NHERF2: variants seen among roughly 807,000 people sequenced by gnomAD.
NHERF2 encodes Na(+)/H(+) exchange regulatory cofactor NHE-RF2.
chr16:2,037,452 G>GT, the NHERF2 span: 1 of 959,456 alleles, frequency 1.0e-6, no homozygotes, highest in East Asian at 3.3e-5. Flanking sequence ...AGCACACACT[G>GT]GGGGGGGGTG....
the NHERF2 span, chr16:2,037,987 C>A: frequency 2.5e-6 from 4 of 1,613,350 alleles, no homozygotes; most frequent in East Asian, 8.9e-5. Context: ...ACTTCTGAGC[C>A]CCTTCCTGCC....
the NHERF2 span, chr16:2,035,298 C>G: frequency 1.5e-6 from 1 of 671,458 alleles, no homozygotes; most frequent in Non-Finnish European, 1.8e-6. Flanking sequence ...TTGGAGCGAG[C>G]TTGAAGGTGG....
the NHERF2 span, chr16:2,037,819 AC>A: frequency 6.3e-7 from 1 of 1,581,290 alleles, no homozygotes; most frequent in Admixed American, 1.8e-5. Flanking sequence ...CACCGTGCTC[AC>A]CCCAGGATGG....
the NHERF2 span, among the ~76,000 whole-genome samples, chr16:2,030,618 CTTTTTTTTT>C: frequency 7.6e-6 from 1 of 132,226 alleles, no homozygotes; most frequent in South Asian, 2.3e-4. Flanking sequence ...TCTCTCCTAC[CTTTTTTTTT>C]TTTTTTTTTT....
chr16:2,037,633 T>G, the NHERF2 span: 1 of 1,606,218 alleles, frequency 6.2e-7, no homozygotes, highest in Non-Finnish European at 8.5e-7. Context: ...AGCTCACACG[T>G]GGGGTTGCTA....
chr16:2,038,156 G>C, the NHERF2 span: 3 of 762,552 alleles, frequency 3.9e-6, no homozygotes, highest in South Asian at 5.5e-5. Context: ...CAGGTACTGG[G>C]GGCCTGTGGC....
the NHERF2 span, chr16:2,037,457 G>A: frequency 7.9e-7 from 1 of 1,260,358 alleles, no homozygotes; most frequent in Non-Finnish European, 1.1e-6. Flanking sequence ...ACACTGGGGG[G>A]GGGTGTGCCT....
the NHERF2 span, chr16:2,027,296 G>A: frequency 8.5e-6 from 7 of 823,566 alleles, no homozygotes; most frequent in Admixed American, 2.7e-4. Context: ...GGTCGCACGG[G>A]GGCCCGAGGG....
the NHERF2 span, among the ~76,000 whole-genome samples, chr16:2,034,781 C>T: frequency 6.7e-6 from 1 of 148,598 alleles, no homozygotes; most frequent in South Asian, 2.2e-4. Flanking sequence ...GGGCTGTGCT[C>T]CACTTCCCCT....
the NHERF2 span, among the ~76,000 whole-genome samples, chr16:2,032,227 C>G: frequency 6.6e-6 from 1 of 151,886 alleles, no homozygotes; most frequent in South Asian, 2.1e-4. The surrounding 1 kb of genome is among the most constrained non-coding windows in gnomAD (Gnocchi z 4.0). Context: ...ACCGTGTTGG[C>G]CAGGCTGGTC....
At chr16:2,030,926 G>A in the NHERF2 span, among the ~76,000 whole-genome samples, 2 of 151,992 alleles carry the variant, frequency 1.3e-5, no homozygotes, top group African/African-American at 2.4e-5. Flanking sequence ...AGGCGACAGA[G>A]TGAGACTGTC....
At chr16:2,035,271 T>G in the NHERF2 span, 102 of 366,412 alleles carry the variant, frequency 2.8e-4, no homozygotes, top group Middle Eastern at 1.4e-3. Flanking sequence ...ACATGGCCGT[T>G]TCTGGTCCAT....
the NHERF2 span, among the ~76,000 whole-genome samples, chr16:2,034,060 C>T: frequency 2.0e-5 from 3 of 152,174 alleles, no homozygotes; most frequent in Non-Finnish European, 4.4e-5. Flanking sequence ...GGCCTCAGGG[C>T]CCCAGACACC....
the NHERF2 span, chr16:2,037,603 A>T: frequency 6.2e-7 from 1 of 1,612,132 alleles, no homozygotes; most frequent in Non-Finnish European, 8.5e-7. Context: ...ACACTGAGGT[A>T]TGGATGTTCT....
At chr16:2,036,293 A>G in the NHERF2 span, 1 of 1,575,098 alleles carries the variant, frequency 6.3e-7, no homozygotes, top group Non-Finnish European at 8.6e-7. Context: ...AGGCTGGAGC[A>G]AGAGACTGAC....
the NHERF2 span, among the ~76,000 whole-genome samples, chr16:2,037,204 C>T: frequency 3.9e-5 from 6 of 152,200 alleles, no homozygotes; most frequent in African/African-American, 1.4e-4. Flanking sequence ...GTCGGGGCCA[C>T]TGCCTTCTGT....
At chr16:2,034,265 C>T in the NHERF2 span, among the ~76,000 whole-genome samples, 84 of 152,158 alleles carry the variant, frequency 5.5e-4, no homozygotes, top group Non-Finnish European at 1.0e-3. Context: ...GCCCATATCA[C>T]GCTCCCACCT....
At chr16:2,036,040 T>C in the NHERF2 span, 30 of 446,306 alleles carry the variant, frequency 6.7e-5, 2 homozygotes, top group South Asian at 1.1e-3. Flanking sequence ...CCACCCTGCC[T>C]GTGCGCCACG....
chr16:2,029,571 A>G, the NHERF2 span: 6 of 1,560,778 alleles, frequency 3.8e-6, no homozygotes, highest in African/African-American at 5.4e-5. Context: ...CCTATCGCCC[A>G]TTCGCCCCAG....
Sources: gnomAD v4.1 joint callset for allele counts (sites outside exome capture counted in the v4.1 genomes callset) on GRCh38, gnomAD v4.1.1 for gene constraint, Gnocchi (gnomAD v3.1) non-coding constraint, MANE v1.5 for transcripts, NCBI Gene and HGNC (gene_info 2026-07-23, HGNC 2026-07-21) for gene names.